FGF14: variants seen among roughly 807,000 people sequenced by gnomAD.
FGF14 encodes fibroblast growth factor homologous factor 4.
A neutral mutation model predicts 25.5 loss-of-function variants in FGF14; 5 were observed. That is an observed-to-expected ratio of 0.20 (90% CI 0.10 to 0.41). The LOEUF (loss-of-function observed/expected upper bound fraction) is 0.41. Among genes scored for constraint, FGF14 ranks in the 10% least tolerant of loss-of-function variants. FGF14 has a pLI of 1.00. For synonymous variants in FGF14, 138 were observed against 118.3 expected, an observed-to-expected ratio of 1.17 and a Z score of -1.08; for missense variants, 222 against 320.1, an observed-to-expected ratio of 0.69 and a Z score of 2.34.
chr13:102,213,695 T>A (rs898503510), intron 1 of FGF14, among the ~76,000 whole-genome samples: 34 of 152,182 alleles, frequency 2.2e-4, no homozygotes, highest in African/African-American at 7.7e-4. Context: ...TTAAATGGAA[T>A]CATTCCTTAT....
intron 1 of FGF14, among the ~76,000 whole-genome samples, chr13:101,986,938 G>GCA (rs3064731): frequency 0.094 from 13,954 of 148,038 alleles, 966 homozygotes; most frequent in African/African-American, 0.2. Context: ...GTATGTGCAT[G>GCA]CACACACACA....
At chr13:102,006,390 T>C (rs1408700683) in intron 1 of FGF14, among the ~76,000 whole-genome samples, 2 of 152,176 alleles carry the variant, frequency 1.3e-5, no homozygotes, top group Non-Finnish European at 2.9e-5. Context: ...CTGGGGGCCT[T>C]GGGATAAGCC....
intron 1 of FGF14, among the ~76,000 whole-genome samples, chr13:101,896,702 C>T (rs1191934697): frequency 6.6e-6 from 1 of 152,146 alleles, no homozygotes; most frequent in African/African-American, 2.4e-5. Context: ...CATATGTGTA[C>T]CTACATGCAC....
At chr13:102,085,950 A>G (rs2043874719) in intron 1 of FGF14, among the ~76,000 whole-genome samples, 1 of 152,164 alleles carries the variant, frequency 6.6e-6, no homozygotes, top group African/African-American at 2.4e-5. Flanking sequence ...CAAGCCTCTG[A>G]TATTTTCTTA....
At chr13:102,327,212 A>G (rs1009459345) in intron 1 of FGF14, among the ~76,000 whole-genome samples, 19 of 152,332 alleles carry the variant, frequency 1.2e-4, no homozygotes, top group African/African-American at 4.1e-4. Context: ...ACTTTCAGTA[A>G]CATTAATGTT....
intron 1 of FGF14, among the ~76,000 whole-genome samples, chr13:102,360,011 C>T (rs1200727971): frequency 1.5e-5 from 2 of 136,926 alleles, no homozygotes; most frequent in Non-Finnish European, 3.1e-5. Context: ...CCAAAAAACA[C>T]GATGATGTCT....
chr13:102,218,218 T>A (rs2050457386), intron 1 of FGF14, among the ~76,000 whole-genome samples: 1 of 152,034 alleles, frequency 6.6e-6, no homozygotes, highest in Non-Finnish European at 1.5e-5. Context: ...ATGCCAGAGC[T>A]CTGCTTGAAT....
chr13:101,992,968 A>G (rs1206937181), intron 1 of FGF14, among the ~76,000 whole-genome samples: 5 of 152,020 alleles, frequency 3.3e-5, no homozygotes, highest in African/African-American at 1.2e-4. Flanking sequence ...AACTACAGAC[A>G]CGAATCTAAG....
At chr13:102,039,625 A>G (rs2041636695) in intron 1 of FGF14, among the ~76,000 whole-genome samples, 1 of 152,120 alleles carries the variant, frequency 6.6e-6, no homozygotes. Flanking sequence ...TTCTTCTTAT[A>G]AAGATAACAG....
rs542322091 is a variant in FGF14 at position 102,248,752 on chromosome 13, AT to A, written c.208+152718del. ...AGGTGAAATACACAAAACATATTAC[AT>A]GCAGAAAGAAAAAGTGAAGAGAGAA... On this transcript the variant is annotated intron_variant, in intron 1 of 4. Transcript: ENST00000376131. Among the ~76,000 whole-genome samples the A allele has an allele frequency of 1.2e-4, 18 of 152,344 alleles. No homozygotes were observed. In the South Asian group the frequency reaches 3.5e-3, roughly 30 times the overall value.
intron 2 of FGF14, among the ~76,000 whole-genome samples, chr13:101,871,936 A>G (rs1178887916): frequency 2.0e-5 from 3 of 152,036 alleles, no homozygotes; most frequent in African/African-American, 4.8e-5. Context: ...ATCTACATAT[A>G]TTAGACTGGA....
intron 1 of FGF14, among the ~76,000 whole-genome samples, chr13:101,991,345 A>G (rs2038892711): frequency 6.6e-6 from 1 of 152,106 alleles, no homozygotes; most frequent in African/African-American, 2.4e-5. Context: ...AACTTCTATA[A>G]TTGAAATGGC....
chr13:102,398,319 C>T (rs983492925), intron 1 of FGF14, among the ~76,000 whole-genome samples: 5 of 152,116 alleles, frequency 3.3e-5, no homozygotes, highest in African/African-American at 1.2e-4. Context: ...CTATTTTCTG[C>T]TTATTTTCAC....
intron 3 of FGF14, among the ~76,000 whole-genome samples, chr13:101,789,215 T>G (rs2040088406): frequency 6.6e-6 from 1 of 152,060 alleles, no homozygotes; most frequent in African/African-American, 2.4e-5. Flanking sequence ...AATGGAGCTC[T>G]CTTTCTTAAG....
At chr13:102,143,413 T>G (rs905803016) in intron 1 of FGF14, among the ~76,000 whole-genome samples, 1 of 152,186 alleles carries the variant, frequency 6.6e-6, no homozygotes, top group African/African-American at 2.4e-5. Context: ...TATGTATTAG[T>G]ACATATAAAA....
chr13:102,050,502 A>G (rs560095283), intron 1 of FGF14, among the ~76,000 whole-genome samples: 1 of 152,344 alleles, frequency 6.6e-6, no homozygotes, highest in East Asian at 1.9e-4. Flanking sequence ...AGATGCCCAT[A>G]TATTTCTTAG....
chr13:102,281,234 T>G (rs771064845), intron 1 of FGF14, among the ~76,000 whole-genome samples: 2 of 152,216 alleles, frequency 1.3e-5, no homozygotes, highest in Non-Finnish European at 2.9e-5. Flanking sequence ...GTTACCTGTA[T>G]GCAGGCTCTG....
Position 102,214,998 on chromosome 13 carries a change from G to A in FGF14, c.208+186473C>T, listed in dbSNP as rs1419306329. ...AAGAACAACTCACCTATGAAGAAAG[G>A]AGTGGGAAACAGATTCTTTTTTGGT... On this transcript the variant is annotated intron_variant, in intron 1 of 4. Transcript: ENST00000376131. Among the ~76,000 whole-genome samples the A allele has an allele frequency of 2.6e-5, 4 of 152,198 alleles. No homozygotes were observed. The East Asian group carries it at 7.7e-4, about 29-fold the overall frequency.
rs184062249 is a variant in FGF14 at position 102,258,380 on chromosome 13, C to T, written c.208+143091G>A. 1.1e-3 allele frequency among the ~76,000 whole-genome samples: 174 copies of T among 152,202 alleles called. 2 individuals are homozygous for T. The highest frequency in any genetic ancestry group is 3.8e-3 in the African/African-American group (157 of 41,530). The stretch of plus-strand genomic sequence containing the variant: ...CAGGAGGCCAAGCGACCATGGAGGT[C>T]GCTTGCCTCCACCCCTCTTGCTTGC... On this transcript the variant is annotated intron_variant, in intron 1 of 4. Coordinates refer to the FGF14 transcript ENST00000376131.
Sources: gnomAD v4.1 joint callset for allele counts (sites outside exome capture counted in the v4.1 genomes callset) on GRCh38, gnomAD v4.1.1 for gene constraint, MANE v1.5 for transcripts, NCBI Gene and HGNC (gene_info 2026-07-23, HGNC 2026-07-21) for gene names.